Variants in H2BC5 observed in about 807,000 individuals in gnomAD.
H2BC5 encodes H2B clustered histone 5, also known as histone H2B type 1-D.
Under a neutral mutation model 5.7 loss-of-function variants are expected in H2BC5, and 9 were observed. The ratio of observed to expected loss-of-function variants is 1.57; its 90% CI spans 0.95 to 2.74. The LOEUF is 2.74. Among genes scored for constraint, H2BC5 ranks in the 30% most tolerant of loss-of-function variants. The pLI, the probability that H2BC5 is intolerant of heterozygous loss-of-function variation, is 0.00. For missense variants in H2BC5, 175 were observed against 168.8 expected (o/e 1.04, Z -0.20); for synonymous variants, 133 against 70.9 (o/e 1.88, Z -4.40).
rs144584114 is a variant in H2BC5, at chr6:26,167,170, G to C, written c.*10-3805G>C. Among the ~76,000 whole-genome samples, 408 of 145,904 alleles carry C rather than the reference G, an allele frequency of 2.8e-3. 2 individuals are homozygous for C. The highest frequency in any genetic ancestry group is 0.013 in the East Asian group (61 of 4,624). ...CGATGTATCTGTGACAAGCATGCTA[G>C]AAGTGGCAGGGGCCATCAGGGCTAG... is the stretch of plus-strand genomic sequence containing the variant. On this transcript the variant is annotated intron_variant, in intron 1 of 1. Coordinates refer to the H2BC5 transcript ENST00000289316.
rs997944375 is a variant in H2BC5 at position 26,158,182 on chromosome 6, A to G, written c.13A>G (p.Thr5Ala). Residue 5 changes from threonine (T) to alanine (A), a missense_variant, in exon 1 of 1, where the codon ACC becomes GCC. This residue lies in a region of H2BC5 where 119 missense variants were observed against 85.6 expected (regional missense o/e 1.39). Coordinates refer to ENST00000377777, the MANE Select transcript of H2BC5 (RefSeq NM_021063.4). MPEP[T>A]KSAPAPKKGS... ...TATTAACGCTACGATGCCTGAACCT[A>G]CCAAGTCTGCTCCTGCCCCAAAGAA... 10 of 1,614,002 alleles carry G rather than the reference A, an allele frequency of 6.2e-6. No homozygotes were observed. Among genetic ancestry groups the G allele is most frequent in the South Asian group, 1.1e-5 (1 of 91,082 alleles).
At chr6:26,159,243 G>GTTTTTTTTTTTTTTTT (rs35999697), downstream of H2BC5, among the ~76,000 whole-genome samples, 1 of 61,402 alleles carries the variant, frequency 1.6e-5, no homozygotes, top group Non-Finnish European at 3.1e-5. Flanking sequence ...TAATTTATAG[G>GTTTTTTTTTTTTTTTT]TTTTTTTTTT....
chr6:26,164,282 C>A, intron 1 of H2BC5: 1 of 266,846 alleles, frequency 3.7e-6, no homozygotes, highest in Non-Finnish European at 8.1e-6. Flanking sequence ...CCAGCCCATC[C>A]TGGAAGATGC....
chr6:26,159,243 G>GTTTTTTTT (rs35999697), downstream of H2BC5, among the ~76,000 whole-genome samples: 32 of 61,440 alleles, frequency 5.2e-4, 4 homozygotes, highest in African/African-American at 1.4e-3. Flanking sequence ...TAATTTATAG[G>GTTTTTTTT]TTTTTTTTTT....
downstream of H2BC5, among the ~76,000 whole-genome samples, chr6:26,162,294 G>C (rs745682169): frequency 6.6e-6 from 1 of 152,050 alleles, no homozygotes; most frequent in Non-Finnish European, 1.5e-5. Flanking sequence ...ATTGCATATA[G>C]TACTATTAGC....
intron 1 of H2BC5, among the ~76,000 whole-genome samples, chr6:26,169,303 TATG>T (rs1561971519): frequency 1.3e-5 from 2 of 152,132 alleles, no homozygotes; most frequent in Non-Finnish European, 2.9e-5. Flanking sequence ...CACAGAGAGA[TATG>T]GTGGTCCTTG....
At chr6:26,160,514 GAAAAAAAAA>G (rs34183291), downstream of H2BC5, among the ~76,000 whole-genome samples, 3 of 55,166 alleles carry the variant, frequency 5.4e-5, no homozygotes, top group Middle Eastern at 0.011. Context: ...TCCTGTCTCT[GAAAAAAAAA>G]AAAAAAAAAA....
At chr6:26,160,596 C>T (rs983645242), downstream of H2BC5, among the ~76,000 whole-genome samples, 2 of 150,788 alleles carry the variant, frequency 1.3e-5, no homozygotes, top group Non-Finnish European at 2.9e-5. Flanking sequence ...AGGCCAGGCA[C>T]GGTGGTTCAT....
At chr6:26,167,738 C>T (rs1049087105) in intron 1 of H2BC5, among the ~76,000 whole-genome samples, 4 of 151,980 alleles carry the variant, frequency 2.6e-5, no homozygotes, top group African/African-American at 9.7e-5. Flanking sequence ...TCTCCCACTT[C>T]AGGCACGTTG....
At chr6:26,169,654 G>T (rs896581208) in intron 1 of H2BC5, among the ~76,000 whole-genome samples, 1 of 152,068 alleles carries the variant, frequency 6.6e-6, no homozygotes, top group African/African-American at 2.4e-5. Context: ...ACTCAGAAAA[G>T]GAATGGAAGA....
downstream of H2BC5, among the ~76,000 whole-genome samples, chr6:26,161,449 G>A (rs565351238): frequency 2.0e-5 from 3 of 152,258 alleles, no homozygotes; most frequent in South Asian, 6.2e-4. Context: ...GAAATGCAGA[G>A]ATAAAAATGC....
chr6:26,162,553 G>T (rs1469648569), downstream of H2BC5, among the ~76,000 whole-genome samples: 1 of 152,012 alleles, frequency 6.6e-6, no homozygotes. Flanking sequence ...TGTTGTTGTT[G>T]TTGTTTTGAG....
At chr6:26,168,378 A>C (rs1461932952) in intron 1 of H2BC5, among the ~76,000 whole-genome samples, 1 of 152,004 alleles carries the variant, frequency 6.6e-6, no homozygotes, top group Non-Finnish European at 1.5e-5. Context: ...GAATCGCTTG[A>C]ACCCGGGAGG....
At chr6:26,169,199 G>A (rs761685688) in intron 1 of H2BC5, among the ~76,000 whole-genome samples, 1 of 152,126 alleles carries the variant, frequency 6.6e-6, no homozygotes, top group Non-Finnish European at 1.5e-5. Flanking sequence ...ATAAAGAAAA[G>A]AAATCAAATA....
downstream of H2BC5, chr6:26,158,714 C>T (rs1764286518): frequency 2.5e-6 from 3 of 1,179,228 alleles, no homozygotes; most frequent in Non-Finnish European, 3.5e-6. Flanking sequence ...GAGGAAATAA[C>T]TTGGAAGTTA....
chr6:26,166,864 C>A (rs1764440050), intron 1 of H2BC5, among the ~76,000 whole-genome samples: 2 of 151,520 alleles, frequency 1.3e-5, no homozygotes, highest in Non-Finnish European at 2.9e-5. Context: ...CCATGTCCAA[C>A]TAATTTTTAT....
chr6:26,159,880 A>T (rs1764324781), downstream of H2BC5, among the ~76,000 whole-genome samples: 1 of 152,230 alleles, frequency 6.6e-6, no homozygotes, highest in Non-Finnish European at 1.5e-5. Flanking sequence ...CTAAGAAAGT[A>T]AACTCAGAGC....
chr6:26,165,099 A>G (rs1407246314), intron 1 of H2BC5, among the ~76,000 whole-genome samples: 1 of 152,250 alleles, frequency 6.6e-6, no homozygotes, highest in Non-Finnish European at 1.5e-5. Flanking sequence ...ATTAAAAAAC[A>G]AGAAATCAGA....
downstream of H2BC5, among the ~76,000 whole-genome samples, chr6:26,158,798 A>C (rs534965816): frequency 3.9e-5 from 6 of 152,366 alleles, no homozygotes; most frequent in South Asian, 1.2e-3. Context: ...TTAGTATCAC[A>C]TAACACTAGC....
Sources: gnomAD v4.1 joint callset for allele counts (sites outside exome capture counted in the v4.1 genomes callset) on GRCh38, gnomAD v4.1.1 for gene constraint, gnomAD v4.1.1 regional missense constraint, MANE v1.5 for transcripts, NCBI Gene and HGNC (gene_info 2026-07-23, HGNC 2026-07-21) for gene names.